Variants in MLF1 observed in about 807,000 individuals in gnomAD.
The protein encoded by MLF1 is myeloid leukemia factor 1.
Under a neutral mutation model 38.3 loss-of-function variants are expected in MLF1, and 37 were observed. That is an observed-to-expected ratio of 0.96 (90% CI 0.74 to 1.27). The LOEUF (loss-of-function observed/expected upper bound fraction) is 1.27, where lower values mean the gene tolerates loss of function less well. Among genes scored for constraint, MLF1 ranks in the 50% most tolerant of loss-of-function variants. MLF1 has a pLI of 0.00. For missense variants in MLF1, 331 were observed against 349.2 expected, an observed-to-expected ratio of 0.95 and a Z score of 0.42; for synonymous variants, 95 against 106.5, an observed-to-expected ratio of 0.89 and a Z score of 0.66.
chr3:158,606,111 C>T lies in MLF1; in HGVS notation c.*909C>T. Reference sequence around the variant, plus strand: ...ACAGCTGATGGGTGTTTTTGAGCAACGTCTTAATAATTCAGTTGTTTCTGT... The same window carrying T: ...ACAGCTGATGGGTGTTTTTGAGCAATGTCTTAATAATTCAGTTGTTTCTGT... On this transcript the variant is annotated 3_prime_UTR_variant, in exon 8 of 8. Transcript: ENST00000466246. The T allele has an allele frequency of 5.5e-6, 1 of 180,354 alleles. No homozygotes were observed. The highest frequency in any genetic ancestry group is 1.2e-5 in the Non-Finnish European group (1 of 84,324). 11.2% of individuals were successfully genotyped at this position (180,354 alleles called of 1,614,324 possible).
At chr3:158,598,263 G>A (rs1024335165) in intron 5 of MLF1, 55 bp downstream of exon 5, 1 of 1,482,306 alleles carries the variant, frequency 6.7e-7, no homozygotes, top group Non-Finnish European at 9.0e-7. Context: ...ATGATAGACT[G>A]TCTAGATCAA....
At chr3:158,572,249 G>T (rs1576631549) in intron 1 of MLF1, among the ~76,000 whole-genome samples, 1 of 134,684 alleles carries the variant, frequency 7.4e-6, no homozygotes, top group African/African-American at 2.8e-5. Context: ...ACCGCGAGGT[G>T]GGGGGAGGAG....
intron 1 of MLF1, among the ~76,000 whole-genome samples, chr3:158,577,488 A>C (rs2108558460): frequency 6.6e-6 from 1 of 152,336 alleles, no homozygotes; most frequent in South Asian, 2.1e-4. Context: ...AATTTAAGTT[A>C]CTTATTTTCA....
chr3:158,584,011 G>A (rs1716818598), intron 1 of MLF1, among the ~76,000 whole-genome samples: 1 of 152,196 alleles, frequency 6.6e-6, no homozygotes, highest in African/African-American at 2.4e-5. Context: ...ATGACCAAAA[G>A]CAGATATATG....
chr3:158,595,175 G>A (rs921929552), intron 3 of MLF1, among the ~76,000 whole-genome samples: 8 of 152,236 alleles, frequency 5.3e-5, no homozygotes, highest in African/African-American at 1.7e-4. Flanking sequence ...ATGATACAGA[G>A]ATGGGGGGAA....
In MLF1 at chr3:158,592,537, G is replaced by A; in HGVS notation, c.151G>A (p.Ala51Thr). ...LLSISDGRGR[A>T]HNRRGHNDGE... ...CAGTATCTCTGATGGTAGAGGGAGA[G>A]CTCATAATCGTAGAGGACATAATGA... Residue 51 changes from alanine (A) to threonine (T), a missense_variant, in exon 2 of 8, where the codon GCT becomes ACT. Coordinates refer to ENST00000466246, the MANE Select transcript of MLF1 (RefSeq NM_001369783.1). 6.2e-7 allele frequency: 1 copy of A among 1,612,296 alleles called. No homozygotes were observed. The highest frequency in any genetic ancestry group is 8.5e-7 in the Non-Finnish European group (1 of 1,179,464).
At chr3:158,604,905 C>T (rs1720316574) in intron 7 of MLF1, among the ~76,000 whole-genome samples, 192 bp from the exon 8 acceptor site, 1 of 152,176 alleles carries the variant, frequency 6.6e-6, no homozygotes, top group Non-Finnish European at 1.5e-5. Flanking sequence ...ATCTGCCTGC[C>T]TCAGCCTCCC....
chr3:158,602,030 A>G (rs1719859455), intron 6 of MLF1, among the ~76,000 whole-genome samples: 1 of 151,834 alleles, frequency 6.6e-6, no homozygotes, highest in South Asian at 2.1e-4. Context: ...GTTAGCCAGG[A>G]TGGTCTTGAT....
chr3:158,595,081 ATTATTT>A (rs950872200), intron 3 of MLF1, among the ~76,000 whole-genome samples: 2 of 152,116 alleles, frequency 1.3e-5, no homozygotes, highest in African/African-American at 4.8e-5. Flanking sequence ...GCCCTCAGAG[ATTATTT>A]TTATAAAGTG....
At chr3:158,579,681 T>C (rs1425048273) in intron 1 of MLF1, among the ~76,000 whole-genome samples, 2 of 152,238 alleles carry the variant, frequency 1.3e-5, no homozygotes, top group African/African-American at 2.4e-5. Context: ...TTTACTAAAT[T>C]TTGATTCTGT....
intron 5 of MLF1, 23 bp downstream of exon 5, chr3:158,598,231 T>A: frequency 6.2e-7 from 1 of 1,601,524 alleles, no homozygotes; most frequent in Non-Finnish European, 8.5e-7. Context: ...TAAGCATTCC[T>A]AAAGTTTTAT....
At chr3:158,586,164 C>CAAA (rs11297914) in intron 1 of MLF1, among the ~76,000 whole-genome samples, 3 of 125,120 alleles carry the variant, frequency 2.4e-5, no homozygotes, top group Non-Finnish European at 3.4e-5. Flanking sequence ...AACTCTGTCT[C>CAAA]AAAAAAAAAA....
At chr3:158,599,085 G>T (rs1719337409) in intron 5 of MLF1, among the ~76,000 whole-genome samples, 1 of 152,082 alleles carries the variant, frequency 6.6e-6, no homozygotes, top group Admixed American at 6.6e-5. Context: ...GTTGATACAT[G>T]TGGCCCTGGT....
At chr3:158,586,264 TA>T (rs888998115) in intron 1 of MLF1, among the ~76,000 whole-genome samples, 2 of 151,518 alleles carry the variant, frequency 1.3e-5, no homozygotes, top group Non-Finnish European at 2.9e-5. Context: ...TTTGATACAT[TA>T]AAAAAATATA....
chr3:158,593,146 A>C (rs531726816), intron 2 of MLF1, among the ~76,000 whole-genome samples: 71 of 152,176 alleles, frequency 4.7e-4, no homozygotes, highest in African/African-American at 1.7e-3. Context: ...AATTAAAAAA[A>C]AAACAGGATA....
At chr3:158,571,677 G>A (rs1560090979) in intron 1 of MLF1, among the ~76,000 whole-genome samples, 1 of 83,686 alleles carries the variant, frequency 1.2e-5, no homozygotes, top group Non-Finnish European at 2.5e-5. Context: ...GAGGCCGGGA[G>A]GTGGGGGGAG....
rs373208840 is a variant in MLF1 at position 158,598,218 on chromosome 3, C to T, written c.453+10C>T. On this transcript the variant is annotated intron_variant, in intron 5 of 7. Transcript: ENST00000466246. ...TCGAGCTCCAGGAGGAGTAAGTTTTCTATAAGCATTCCTAAAGTTTTATAA... is the reference window on the plus strand; with the variant it reads ...TCGAGCTCCAGGAGGAGTAAGTTTTTTATAAGCATTCCTAAAGTTTTATAA... 6.2e-7 allele frequency: 1 copy of T among 1,607,004 alleles called. No individual in the cohort carries two copies.
intron 1 of MLF1, among the ~76,000 whole-genome samples, chr3:158,580,787 G>GAAA (rs35608474): frequency 2.3e-5 from 3 of 132,130 alleles, no homozygotes; most frequent in Non-Finnish European, 1.6e-5. Flanking sequence ...GTCTCTACCA[G>GAAA]AAAAAAAAAA....
intron 1 of MLF1, among the ~76,000 whole-genome samples, chr3:158,575,834 C>T (rs995486090): frequency 6.6e-6 from 1 of 151,984 alleles, no homozygotes; most frequent in African/African-American, 2.4e-5. Context: ...TAGAACATTA[C>T]GATTTTCTAA....
Sources: allele counts gnomAD v4.1 joint callset (sites outside exome capture counted in the v4.1 genomes callset), GRCh38; gene constraint gnomAD v4.1.1; transcripts MANE v1.5; gene names NCBI Gene and HGNC (gene_info 2026-07-23, HGNC 2026-07-21).